The following FGGY variants were observed in gnomAD, a reference collection of about 807,000 sequenced individuals.
FGGY encodes FGGY carbohydrate kinase domain containing, also known as FGGY carbohydrate kinase domain-containing protein.
In FGGY, 72 loss-of-function variants were observed where a neutral mutation model predicts 71.3. The ratio of observed to expected loss-of-function variants is 1.01; its 90% confidence interval spans 0.84 to 1.23. The LOEUF is 1.23. Ranked by LOEUF, FGGY falls within the 50% of genes most tolerant of loss-of-function variation. The pLI is 0.00. For synonymous variants in FGGY, 251 were observed against 250.3 expected (o/e 1.00, Z -0.02); for missense variants, 668 against 682.3 (o/e 0.98, Z 0.23).
chr1:59,500,071 T>G (rs1014377024), intron 6 of FGGY, among the ~76,000 whole-genome samples: 1 of 152,176 alleles, frequency 6.6e-6, no homozygotes, highest in Admixed American at 6.5e-5. Context: ...TTTTCCATAT[T>G]CTGTCTAGTA....
intron 11 of FGGY, among the ~76,000 whole-genome samples, chr1:59,652,257 C>T (rs1400157017): frequency 6.8e-6 from 1 of 146,724 alleles, no homozygotes; most frequent in Non-Finnish European, 1.5e-5. Context: ...CGAGGAGTAT[C>T]TTTGTGGCAT....
rs780042911 is a variant in FGGY, at chr1:59,660,261, A to G, written c.1264A>G (p.Ile422Val). The change falls in exon 12 of 16, where the codon ATT becomes GTT. Residue 422 changes from isoleucine (I) to valine (V), a missense_variant. Coordinates refer to ENST00000303721, the MANE Select transcript of FGGY (RefSeq NM_018291.5). ...GTCTCAGGACCTTGATGATCTTGCC[A>G]TTCTCTACCTGGCCACAGTTCAAGC... ...KLSQDLDDLA[I>V]LYLATVQAIA... 1.9e-6 allele frequency: 3 copies of G among 1,613,484 alleles called. No individual in the cohort carries two copies. Among genetic ancestry groups the G allele is most frequent in the African/African-American group, 1.3e-5 (1 of 75,052 alleles).
chr1:59,322,278 C>CTTT (rs779225811), intron 2 of FGGY, among the ~76,000 whole-genome samples: 2 of 127,316 alleles, frequency 1.6e-5, no homozygotes, highest in Non-Finnish European at 3.4e-5. Flanking sequence ...GAGGTGCGCT[C>CTTT]TTTTTTTTTT....
At chr1:59,647,714 T>A (rs892457469) in intron 11 of FGGY, among the ~76,000 whole-genome samples, 94 of 151,714 alleles carry the variant, frequency 6.2e-4, no homozygotes, top group African/African-American at 2.2e-3. Context: ...CCTCCGGCAT[T>A]CCTGGGCCCA....
At chr1:59,618,257 ACCAAATATT>A (rs2096775951) in intron 9 of FGGY, among the ~76,000 whole-genome samples, 1 of 152,176 alleles carries the variant, frequency 6.6e-6, no homozygotes, top group African/African-American at 2.4e-5. Flanking sequence ...CCTATTATGT[ACCAAATATT>A]TTTAGGCCCA....
rs761317028 is a variant in FGGY at position 59,757,989 on chromosome 1, A to G, written c.1571A>G (p.Lys524Arg). Residue 524 changes from lysine to arginine, a missense_variant, in exon 15 of 16, where the codon AAA (lysine) becomes AGA (arginine). Lys to Arg is a conservative substitution (Grantham distance 26). Coordinates refer to ENST00000303721, the MANE Select transcript of FGGY (RefSeq NM_018291.5). Reference sequence around the variant, plus strand: ...GTTGTGTTCCCGAGACTACAGGATAAAAAGTAAGTGTGTATTTTTTATATG... The same window carrying G: ...GTTGTGTTCCCGAGACTACAGGATAGAAAGTAAGTGTGTATTTTTTATATG... ...GKVVFPRLQD[K>R]KYYDKKYQVF... The G allele has an allele frequency of 6.2e-7, 1 of 1,611,774 alleles. No individual in the cohort carries two copies. Among genetic ancestry groups the G allele is most frequent in the Admixed American group, 1.7e-5 (1 of 59,886 alleles).
intron 4 of FGGY, among the ~76,000 whole-genome samples, chr1:59,348,165 T>C (rs570229196): frequency 6.6e-6 from 1 of 152,314 alleles, no homozygotes; most frequent in Admixed American, 6.5e-5. Context: ...ATCAATTCTT[T>C]TAATACCCAG....
intron 5 of FGGY, among the ~76,000 whole-genome samples, chr1:59,433,642 G>A (rs1370905157): frequency 3.3e-5 from 5 of 152,184 alleles, no homozygotes; most frequent in African/African-American, 1.2e-4. Flanking sequence ...CAAAGCAGGG[G>A]CTGCATTCTG....
intron 6 of FGGY, among the ~76,000 whole-genome samples, chr1:59,505,430 G>A (rs1046576437): frequency 6.6e-6 from 1 of 152,170 alleles, no homozygotes; most frequent in Non-Finnish European, 1.5e-5. Flanking sequence ...AGGACTCCAG[G>A]ACCCTCTCTG....
At chr1:59,732,121 CT>C (rs1384158013) in intron 14 of FGGY, among the ~76,000 whole-genome samples, 1 of 152,176 alleles carries the variant, frequency 6.6e-6, no homozygotes, top group Non-Finnish European at 1.5e-5. Flanking sequence ...GGTCCAGTTC[CT>C]GGCACAGAGT....
At chr1:59,595,646 C>T (rs1357278262) in intron 8 of FGGY, among the ~76,000 whole-genome samples, 5 of 151,974 alleles carry the variant, frequency 3.3e-5, no homozygotes, top group Admixed American at 6.6e-5. Context: ...GCCGAGATCG[C>T]GCCATTGCAC....
At position 59,400,589 on chromosome 1, in the gene FGGY, G is replaced by A. The variant is rs74087434; in HGVS notation, c.554+21752G>A. Among the ~76,000 whole-genome samples, 408 of 149,576 alleles carry A rather than the reference G, an allele frequency of 2.7e-3. 1 individual carries two copies. The highest frequency in any genetic ancestry group is 9.7e-3 in the African/African-American group (395 of 40,868). On this transcript the variant is annotated intron_variant, in intron 5 of 15. Transcript: ENST00000303721. ...TGTATTTTTTGTTAAGTTTATATCA[G>A]GATGATTTGTCATTAGTGTTCTTGT... is the stretch of plus-strand genomic sequence containing the variant.
chr1:59,540,432 G>A (rs779204552), intron 7 of FGGY, among the ~76,000 whole-genome samples: 9 of 152,220 alleles, frequency 5.9e-5, no homozygotes, highest in Non-Finnish European at 1.2e-4. Context: ...ACATGCAGCA[G>A]TGTGGTTGAA....
intron 9 of FGGY, among the ~76,000 whole-genome samples, chr1:59,614,178 T>G (rs978349982): frequency 3.3e-5 from 5 of 152,250 alleles, no homozygotes; most frequent in African/African-American, 1.2e-4. Flanking sequence ...TACCAAAGCC[T>G]GGCAGAGACA....
chr1:59,360,261 T>C (rs1057367532), intron 4 of FGGY, among the ~76,000 whole-genome samples: 1 of 152,118 alleles, frequency 6.6e-6, no homozygotes, highest in Non-Finnish European at 1.5e-5. Context: ...TCCTTCGTGC[T>C]GGCATTCTGT....
intron 6 of FGGY, among the ~76,000 whole-genome samples, chr1:59,478,123 C>G (rs897612544): frequency 2.6e-5 from 4 of 152,228 alleles, no homozygotes; most frequent in Admixed American, 6.5e-5. Flanking sequence ...TAATACCTCT[C>G]TCTGAGAATT....
At chr1:59,651,901 T>C (rs1461836608) in intron 11 of FGGY, among the ~76,000 whole-genome samples, 1 of 152,158 alleles carries the variant, frequency 6.6e-6, no homozygotes, top group Admixed American at 6.5e-5. Flanking sequence ...CGATTGTTCC[T>C]TTCCATCTTT....
intron 5 of FGGY, among the ~76,000 whole-genome samples, chr1:59,453,987 A>G (rs2091443721): frequency 6.6e-6 from 1 of 152,152 alleles, no homozygotes. Context: ...TGAGAAATAC[A>G]GTGCAATATT....
intron 2 of FGGY, among the ~76,000 whole-genome samples, chr1:59,326,541 A>G (rs2047460847): frequency 6.6e-6 from 1 of 152,356 alleles, no homozygotes. Flanking sequence ...CAGAGAGTTA[A>G]GTGATTTTCC....
Sources: gnomAD v4.1 joint callset for allele counts (sites outside exome capture counted in the v4.1 genomes callset) on GRCh38, gnomAD v4.1.1 for gene constraint, MANE v1.5 for transcripts, NCBI Gene and HGNC (gene_info 2026-07-23, HGNC 2026-07-21) for gene names.